RAB3C: variants seen among roughly 807,000 people sequenced by gnomAD.
RAB3C encodes the protein ras-related protein Rab-3C.
A neutral mutation model predicts 26.4 loss-of-function variants in RAB3C; 17 were observed. That is an observed-to-expected ratio of 0.64 (90% CI 0.44 to 0.97). The LOEUF is 0.97. RAB3C is among the 50% of genes least tolerant of loss of function. The probability of loss-of-function intolerance (pLI) is 0.00; values close to 1 mark genes in which losing one functional copy is unlikely to be tolerated. For missense variants in RAB3C, 242 were observed against 281.9 expected (o/e 0.86, Z 1.01); for synonymous variants, 91 against 95.9 (o/e 0.95, Z 0.30).
intron 3 of RAB3C, among the ~76,000 whole-genome samples, chr5:58,772,911 G>A (rs1329748113): frequency 6.6e-6 from 1 of 152,172 alleles, no homozygotes; most frequent in Non-Finnish European, 1.5e-5. Flanking sequence ...ACAGGACCAT[G>A]AAGCCAAGGG....
intron 2 of RAB3C, among the ~76,000 whole-genome samples, chr5:58,696,885 T>C (rs1421300076): frequency 6.6e-6 from 1 of 152,210 alleles, no homozygotes; most frequent in Non-Finnish European, 1.5e-5. Context: ...CCTGGATTCA[T>C]TGATTTTTTG....
chr5:58,654,895 T>C (rs186394788), intron 2 of RAB3C, among the ~76,000 whole-genome samples: 1 of 152,312 alleles, frequency 6.6e-6, no homozygotes, highest in East Asian at 1.9e-4. Flanking sequence ...TACAAATGCC[T>C]CAGAGAGCTT....
intron 1 of RAB3C, among the ~76,000 whole-genome samples, chr5:58,597,706 T>C (rs1014900619): frequency 1.6e-4 from 9 of 55,970 alleles, no homozygotes; most frequent in East Asian, 5.3e-4. Flanking sequence ...AAGTATATAA[T>C]ATAATATAGT....
chr5:58,604,851 G>A (rs1746527618), intron 1 of RAB3C, among the ~76,000 whole-genome samples: 1 of 152,184 alleles, frequency 6.6e-6, no homozygotes, highest in Non-Finnish European at 1.5e-5. Context: ...TATTAAAATT[G>A]TTACAAAGTT....
chr5:58,790,225 T>C (rs537165517), intron 3 of RAB3C, among the ~76,000 whole-genome samples: 6 of 152,288 alleles, frequency 3.9e-5, no homozygotes, highest in African/African-American at 1.4e-4. Context: ...CCAAACACTA[T>C]CACTAGACTT....
At chr5:58,583,266 A>G in intron 1 of RAB3C, 34 bp downstream of exon 1, 2 of 1,613,812 alleles carry the variant, frequency 1.2e-6, no homozygotes, top group Non-Finnish European at 1.7e-6. Flanking sequence ...CCTCGGGAGG[A>G]ATTGAAAGAG....
At chr5:58,680,097 T>G (rs756512269) in intron 2 of RAB3C, among the ~76,000 whole-genome samples, 2 of 152,294 alleles carry the variant, frequency 1.3e-5, no homozygotes, top group South Asian at 2.1e-4. Flanking sequence ...AAGGGAAATG[T>G]GGCACTAATT....
At chr5:58,671,584 C>G (rs923424196) in intron 2 of RAB3C, among the ~76,000 whole-genome samples, 3 of 152,130 alleles carry the variant, frequency 2.0e-5, no homozygotes, top group Non-Finnish European at 2.9e-5. Context: ...ATAATTAATT[C>G]CCCTGTCAAG....
At chr5:58,671,027 GC>G (rs1271320585) in intron 2 of RAB3C, among the ~76,000 whole-genome samples, 1 of 152,050 alleles carries the variant, frequency 6.6e-6, no homozygotes, top group Non-Finnish European at 1.5e-5. Flanking sequence ...ACTTCTGTGG[GC>G]CCCAGTTTAT....
At chr5:58,815,581 C>A (rs1423255196) in intron 3 of RAB3C, among the ~76,000 whole-genome samples, 1 of 152,136 alleles carries the variant, frequency 6.6e-6, no homozygotes, top group Non-Finnish European at 1.5e-5. Context: ...AAGCTGCCAG[C>A]AACACACCCT....
At chr5:58,789,758 A>G (rs1742478237) in intron 3 of RAB3C, among the ~76,000 whole-genome samples, 1 of 152,210 alleles carries the variant, frequency 6.6e-6, no homozygotes, top group African/African-American at 2.4e-5. Flanking sequence ...CATACAAATA[A>G]AACCATTTTC....
At chr5:58,686,911 T>C (rs1376044441) in intron 2 of RAB3C, among the ~76,000 whole-genome samples, 3 of 151,670 alleles carry the variant, frequency 2.0e-5, no homozygotes, top group Admixed American at 1.3e-4. Flanking sequence ...TAACAACATC[T>C]CTCCAGCAAC....
intron 3 of RAB3C, among the ~76,000 whole-genome samples, chr5:58,774,170 AAATT>A (rs974318889): frequency 2.0e-5 from 3 of 152,140 alleles, no homozygotes; most frequent in African/African-American, 7.2e-5. Context: ...ATGAATGAAT[AAATT>A]AATTCACTCA....
chr5:58,588,257 A>G (rs1405021575), intron 1 of RAB3C, among the ~76,000 whole-genome samples: 2 of 152,156 alleles, frequency 1.3e-5, no homozygotes, highest in Non-Finnish European at 2.9e-5. Flanking sequence ...GTAAGTATAT[A>G]TTAAGCTTTA....
intron 4 of RAB3C, among the ~76,000 whole-genome samples, chr5:58,841,213 T>TC (rs1743868315): frequency 6.6e-6 from 1 of 152,136 alleles, no homozygotes; most frequent in East Asian, 1.9e-4. Context: ...ACTCAGGTCC[T>TC]CTCCCATTTA....
rs140270765 is a variant in RAB3C at position 58,801,767 on chromosome 5, C to T, written c.372-23271C>T. On this transcript the variant is annotated intron_variant, in intron 3 of 4. Coordinates refer to ENST00000282878, the MANE Select transcript of RAB3C (RefSeq NM_138453.4). ...GTTGCAATGTAAATAACTTGTAATA[C>T]CAGGACCACTTTGTCAGCAACCAGC... Among the ~76,000 whole-genome samples the T allele has an allele frequency of 2.7e-3, 406 of 152,304 alleles. 2 individuals are homozygous for T. Among genetic ancestry groups the T allele is most frequent in the Non-Finnish European group, 4.8e-3 (328 of 68,036 alleles).
At chr5:58,654,099 A>G (rs1747713410) in intron 2 of RAB3C, among the ~76,000 whole-genome samples, 1 of 152,072 alleles carries the variant, frequency 6.6e-6, no homozygotes, top group Non-Finnish European at 1.5e-5. Flanking sequence ...TAATTTCTTC[A>G]GGTGGCACTT....
chr5:58,665,892 G>T (rs1292145981), intron 2 of RAB3C, among the ~76,000 whole-genome samples: 1 of 152,178 alleles, frequency 6.6e-6, no homozygotes, highest in South Asian at 2.1e-4. Flanking sequence ...GAAACTCAAT[G>T]AAGTCATGGA....
intron 4 of RAB3C, among the ~76,000 whole-genome samples, chr5:58,837,131 G>A (rs1392571427): frequency 6.6e-6 from 1 of 152,150 alleles, no homozygotes; most frequent in Non-Finnish European, 1.5e-5. Flanking sequence ...TTTCTCTGAT[G>A]ATTGGTGATG....
Sources: gnomAD v4.1 joint callset for allele counts (sites outside exome capture counted in the v4.1 genomes callset) on GRCh38, gnomAD v4.1.1 for gene constraint, MANE v1.5 for transcripts, NCBI Gene and HGNC (gene_info 2026-07-23, HGNC 2026-07-21) for gene names.